EXOC4: variants seen among roughly 807,000 people sequenced by gnomAD.
EXOC4 encodes the protein SEC8-like 1.
In EXOC4, 71 loss-of-function variants were observed where a neutral mutation model predicts 107.2. That is an observed-to-expected ratio of 0.66 (90% CI 0.55 to 0.81). EXOC4 has a LOEUF of 0.81. Ranked by LOEUF, EXOC4 falls within the 30% of genes least tolerant of loss-of-function variation. The pLI is 0.00. For missense variants in EXOC4, 1,108 were observed against 1,189.6 expected (o/e 0.93, Z 1.01); for synonymous variants, 456 against 441.2 (o/e 1.03, Z -0.42).
At chr7:133,602,720 C>T (rs1801837947) in intron 9 of EXOC4, among the ~76,000 whole-genome samples, 1 of 152,186 alleles carries the variant, frequency 6.6e-6, no homozygotes, top group Admixed American at 6.5e-5. Context: ...CATGATATGG[C>T]AGGGCAAAGT....
intron 10 of EXOC4, among the ~76,000 whole-genome samples, chr7:133,694,134 G>A (rs1479881297): frequency 6.6e-6 from 1 of 151,914 alleles, no homozygotes; most frequent in Admixed American, 6.6e-5. Context: ...CGTTGTGTGT[G>A]CCCGTAGTCC....
chr7:134,064,365 C>T lies in EXOC4; in HGVS notation c.2762C>T (p.Thr921Met), dbSNP rs149542788. Residue 921 changes from threonine to methionine, a missense_variant, in exon 18 of 18, where the codon ACG becomes ATG. Transcript: ENST00000253861. The part of the protein sequence containing the change: ...NLVVDQGVKY[T>M]ELEYIHALTL... ...GTGGTGGACCAGGGTGTGAAGTACA[C>T]GGAGCTGGAGTACATCCACGCTCTG... 1.7e-3 allele frequency: 2,648 copies of T among 1,557,296 alleles called. 13 individuals are homozygous for T. Among genetic ancestry groups the T allele is most frequent in the South Asian group, 7.7e-3 (653 of 84,572 alleles).
chr7:133,707,670 C>T (rs1794798160), intron 10 of EXOC4, among the ~76,000 whole-genome samples: 2 of 151,894 alleles, frequency 1.3e-5, no homozygotes, highest in Non-Finnish European at 2.9e-5. Context: ...GGTTGGAGTG[C>T]AGTGATACAA....
chr7:133,316,232 G>A (rs980490514), intron 4 of EXOC4, among the ~76,000 whole-genome samples: 2 of 152,168 alleles, frequency 1.3e-5, no homozygotes, highest in Non-Finnish European at 2.9e-5. Context: ...ATATATTGCT[G>A]TGGTGGGGGC....
intron 11 of EXOC4, among the ~76,000 whole-genome samples, chr7:133,855,092 A>AATATATATAAAT (rs1798328819): frequency 1.2e-4 from 6 of 49,330 alleles, no homozygotes; most frequent in East Asian, 5.4e-4. Context: ...AATATATATA[A>AATATATATAAAT]ATATATATAT....
intron 7 of EXOC4, among the ~76,000 whole-genome samples, chr7:133,416,842 G>A (rs970440311): frequency 1.3e-5 from 2 of 152,220 alleles, no homozygotes; most frequent in African/African-American, 4.8e-5. Flanking sequence ...TAGAGGAGGA[G>A]CTGAAGGAAT....
Position 133,436,068 on chromosome 7 carries a change from T to C in EXOC4, c.1183-39260T>C, listed in dbSNP as rs186995327. On this transcript the variant is annotated intron_variant, in intron 7 of 17. Transcript: ENST00000253861. ...TCAGTGTTTTTTTTTTTTTGTTTTT[T>C]TAAAGGAGATAGAATTTGCTCTTGC... is the stretch of plus-strand genomic sequence containing the variant. 4.5e-4 allele frequency among the ~76,000 whole-genome samples: 69 copies of C among 152,180 alleles called. No homozygotes were observed. The East Asian group carries it at 6.9e-3, about 15-fold the overall frequency.
intron 10 of EXOC4, among the ~76,000 whole-genome samples, chr7:133,720,354 G>A (rs1460719848): frequency 6.6e-6 from 1 of 152,038 alleles, no homozygotes; most frequent in East Asian, 1.9e-4. Context: ...TGCTATATGT[G>A]CAAATAATCA....
the EXOC4 span, among the ~76,000 whole-genome samples, chr7:134,085,887 A>G: frequency 6.6e-6 from 1 of 152,194 alleles, no homozygotes; most frequent in African/African-American, 2.4e-5. Context: ...AAGCTCCAAC[A>G]TATCACAAGG....
At chr7:133,842,338 C>T (rs1400710350) in intron 11 of EXOC4, among the ~76,000 whole-genome samples, 1 of 152,148 alleles carries the variant, frequency 6.6e-6, no homozygotes, top group East Asian at 1.9e-4. Flanking sequence ...TAGTAGTAGC[C>T]ATTCTGACTG....
At chr7:133,602,839 T>A (rs1378745736) in intron 9 of EXOC4, among the ~76,000 whole-genome samples, 1 of 152,204 alleles carries the variant, frequency 6.6e-6, no homozygotes, top group Non-Finnish European at 1.5e-5. Flanking sequence ...TTAGGAATGA[T>A]CTCTTTGCAT....
intron 14 of EXOC4, among the ~76,000 whole-genome samples, chr7:133,948,481 A>G (rs1188976987): frequency 6.6e-6 from 1 of 152,234 alleles, no homozygotes; most frequent in Non-Finnish European, 1.5e-5. Context: ...AATGTTCTAA[A>G]TATAAACTGG....
At chr7:134,081,773 G>T in the EXOC4 span, among the ~76,000 whole-genome samples, 1 of 152,158 alleles carries the variant, frequency 6.6e-6, no homozygotes, top group Admixed American at 6.5e-5. Context: ...CACAAGGCAG[G>T]ATGGGGAGAA....
chr7:133,581,956 A>G (rs1801287180), intron 9 of EXOC4, among the ~76,000 whole-genome samples: 1 of 152,076 alleles, frequency 6.6e-6, no homozygotes. Context: ...CCACTTTTAA[A>G]CAAACCATCA....
intron 9 of EXOC4, among the ~76,000 whole-genome samples, chr7:133,614,074 CATT>C (rs1273253588): frequency 6.6e-6 from 1 of 152,034 alleles, no homozygotes; most frequent in Non-Finnish European, 1.5e-5. Context: ...TCCCAAACAT[CATT>C]AAGAAACCCA....
At chr7:133,345,991 T>C (rs1795775550) in intron 5 of EXOC4, among the ~76,000 whole-genome samples, 1 of 152,200 alleles carries the variant, frequency 6.6e-6, no homozygotes, top group African/African-American at 2.4e-5. Flanking sequence ...CTAATCAAAA[T>C]TCTATACTCC....
chr7:133,818,910 G>GC (rs140900923), intron 11 of EXOC4, among the ~76,000 whole-genome samples: 10,680 of 152,120 alleles, frequency 0.07, 526 homozygotes, highest in Non-Finnish European at 0.11. Flanking sequence ...TGTCATGGAG[G>GC]CCCCCTTGCC....
At chr7:133,462,069 A>C (rs1798606766) in intron 7 of EXOC4, among the ~76,000 whole-genome samples, 1 of 152,202 alleles carries the variant, frequency 6.6e-6, no homozygotes, top group South Asian at 2.1e-4. Context: ...TATAAGTATA[A>C]ATATTAATAT....
intron 16 of EXOC4, among the ~76,000 whole-genome samples, chr7:134,007,136 T>C (rs931871988): frequency 6.6e-6 from 1 of 152,186 alleles, no homozygotes; most frequent in Non-Finnish European, 1.5e-5. Flanking sequence ...CAATTTCTTA[T>C]TGATTTATTT....
Sources: allele counts gnomAD v4.1 joint callset (sites outside exome capture counted in the v4.1 genomes callset), GRCh38; gene constraint gnomAD v4.1.1; transcripts MANE v1.5; gene names NCBI Gene and HGNC (gene_info 2026-07-23, HGNC 2026-07-21).